DNAH17: variants seen among roughly 807,000 people sequenced by gnomAD.
The protein encoded by DNAH17 is dynein axonemal heavy chain 17.
In DNAH17, 376 loss-of-function variants were observed where a neutral mutation model predicts 485.6. The ratio of observed to expected loss-of-function variants is 0.77; its 90% CI spans 0.71 to 0.84. The LOEUF (loss-of-function observed/expected upper bound fraction) is 0.84. DNAH17 is among the 40% of genes least tolerant of loss of function. The pLI is 0.00. For synonymous variants in DNAH17, 3,031 were observed against 2,405.9 expected (o/e 1.26, Z -7.60); for missense variants, 6,370 against 5,839.3 (o/e 1.09, Z -2.96).
In DNAH17 at chr17:78,444,752, C is replaced by T. The variant is rs758228483; in HGVS notation, c.11380G>A (p.Glu3794Lys). ...TTTTTCCAGCGCTTGGCAGATCCTT[C>T]GATGTCACTGTCCAGATTTTTGAAC... ...DEFKNLDSDIEGSAKRWKKLV... is the reference protein window; with the variant it reads ...DEFKNLDSDIKGSAKRWKKLV... The change falls in exon 71 of 81, where the codon GAA becomes AAA. Residue 3794 changes from glutamate to lysine, a missense_variant. Glu to Lys is a moderately conservative substitution (Grantham distance 56). Coordinates refer to ENST00000389840, the MANE Select transcript of DNAH17 (RefSeq NM_173628.4). The T allele has an allele frequency of 2.0e-5, 32 of 1,598,128 alleles. 1 individual carries two copies. The highest frequency in any genetic ancestry group is 1.8e-4 in the South Asian group (16 of 89,952).
At chr17:78,436,090 C>G (rs1163303968) in intron 74 of DNAH17, among the ~76,000 whole-genome samples, 1 of 152,134 alleles carries the variant, frequency 6.6e-6, no homozygotes, top group Non-Finnish European at 1.5e-5. Flanking sequence ...ATTCATGGAC[C>G]GATACACCCC....
At chr17:78,462,750 G>A (rs1400474397) in intron 57 of DNAH17, 94 bp downstream of exon 57, 2 of 1,267,256 alleles carry the variant, frequency 1.6e-6, no homozygotes, top group Non-Finnish European at 1.1e-6. Flanking sequence ...CTGAGCCCCA[G>A]TGTGACCAGC....
intron 54 of DNAH17, among the ~76,000 whole-genome samples, chr17:78,470,357 C>A (rs76900517): frequency 2.0e-5 from 3 of 149,972 alleles, no homozygotes; most frequent in Non-Finnish European, 4.4e-5. Flanking sequence ...CATGAGCCAC[C>A]GTGCCCAGCC....
intron 55 of DNAH17, among the ~76,000 whole-genome samples, chr17:78,468,276 G>A (rs2088579476): frequency 6.6e-6 from 1 of 152,066 alleles, no homozygotes; most frequent in African/African-American, 2.4e-5. Flanking sequence ...AAGTAGAGGG[G>A]AGCATCTTCA....
chr17:78,445,196 A>T (rs1457353871), intron 70 of DNAH17, among the ~76,000 whole-genome samples: 2 of 31,758 alleles, frequency 6.3e-5, no homozygotes, highest in Non-Finnish European at 1.2e-4. Flanking sequence ...CACTTCCCTT[A>T]CGCTGGGAGG....
rs751486272 is a variant in DNAH17, at chr17:78,479,046, C to T, written c.7971G>A (p.Arg2657=). 1.2e-6 allele frequency: 2 copies of T among 1,613,750 alleles called. No individual in the cohort carries two copies. Among genetic ancestry groups the T allele is most frequent in the Admixed American group, 1.7e-5 (1 of 59,994 alleles). Residue 2657 remains arginine, a synonymous_variant, in exon 51 of 81, where the codon AGG becomes AGA. Coordinates refer to ENST00000389840, the MANE Select transcript of DNAH17 (RefSeq NM_173628.4). The stretch of plus-strand genomic sequence containing the variant: ...GTACCTGGAAAATATTGGAGAGGTC[C>T]CTGAGGTTGAAGACATAATGAAACT... ...AIKFHYVFNL[R]DLSNIFQGLL...
chr17:78,571,174 C>G (rs925384670), intron 5 of DNAH17, 105 bp downstream of exon 5: 3 of 1,305,426 alleles, frequency 2.3e-6, no homozygotes, highest in Non-Finnish European at 3.2e-6. Flanking sequence ...GAAAGCTGCT[C>G]GCAGAGGGAG....
rs202011737 is a variant in DNAH17 at position 78,475,843 on chromosome 17, GAAAAA to G, written c.8155-15_8155-11del. ...GTTCATCACCAAGATCCTAGAAAAA[GAAAAA>G]AAAAGACGATACTTCCGGTTTTTGC... On this transcript the variant is annotated splice_polypyrimidine_tract_variant and intron_variant, in intron 52 of 80. Coordinates refer to ENST00000389840, the MANE Select transcript of DNAH17 (RefSeq NM_173628.4). 2.3e-5 allele frequency: 37 copies of G among 1,580,762 alleles called. No homozygotes were observed. Among genetic ancestry groups the G allele is most frequent in the African/African-American group, 5.5e-5 (4 of 72,294 alleles).
chr17:78,573,187 C>G (rs1225867478), intron 2 of DNAH17, among the ~76,000 whole-genome samples: 1 of 152,192 alleles, frequency 6.6e-6, no homozygotes, highest in Admixed American at 6.5e-5. Flanking sequence ...AGCACACACT[C>G]CTTGCTAAAA....
At chr17:78,538,317 G>A (rs752080172) in intron 18 of DNAH17, among the ~76,000 whole-genome samples, 1 of 152,160 alleles carries the variant, frequency 6.6e-6, no homozygotes, top group Non-Finnish European at 1.5e-5. Context: ...CTGTGAGGCT[G>A]CAGGGCTGCA....
chr17:78,558,534 G>GATGACATCATCATTGCATGTGT (rs1257827520), intron 13 of DNAH17, among the ~76,000 whole-genome samples: 2 of 143,216 alleles, frequency 1.4e-5, no homozygotes, highest in African/African-American at 5.3e-5. Flanking sequence ...CTCATGGGTG[G>GATGACATCATCATTGCATGTGT]ATGACATCAT....
chr17:78,449,302 A>G, intron 69 of DNAH17, 112 bp downstream of exon 69: 1 of 1,162,474 alleles, frequency 8.6e-7, no homozygotes, highest in Non-Finnish European at 1.2e-6. Context: ...GCGGGTTTGA[A>G]ATCACCAGGT....
intron 64 of DNAH17, among the ~76,000 whole-genome samples, chr17:78,453,868 G>GTT (rs1243063520): frequency 2.0e-5 from 3 of 151,866 alleles, no homozygotes; most frequent in Non-Finnish European, 4.4e-5. Context: ...TTTTTTGTTT[G>GTT]TTTGTTTTTT....
At chr17:78,559,833 T>G (rs2092113180) in intron 13 of DNAH17, among the ~76,000 whole-genome samples, 1 of 152,084 alleles carries the variant, frequency 6.6e-6, no homozygotes, top group African/African-American at 2.4e-5. Context: ...CCCACTGGCC[T>G]CCTTGCTGCT....
Position 78,454,622 on chromosome 17 carries a change from G to A in DNAH17, c.10254C>T (p.Gly3418=), listed in dbSNP as rs753377054. 6.2e-7 allele frequency: 1 copy of A among 1,613,032 alleles called. No homozygotes were observed. The highest frequency in any genetic ancestry group is 8.5e-7 in the Non-Finnish European group (1 of 1,179,874). ...CGGTGGACATGCGGTCGCTGGGGAG[G>A]CCCTGGTTGTTCCAGGTGGCCACGT... The part of the protein sequence containing the change: ...DADVATWNNQ[G]LPSDRMSTEN... The change falls in exon 64 of 81, where the codon GGC becomes GGT. Residue 3418 remains glycine (G), a synonymous_variant. Transcript: ENST00000389840.
intron 75 of DNAH17, among the ~76,000 whole-genome samples, chr17:78,432,987 C>T (rs141470930): frequency 6.6e-5 from 10 of 151,620 alleles, no homozygotes; most frequent in Admixed American, 3.9e-4. Flanking sequence ...CGAGGCCCCA[C>T]GTAGGCAGCA....
chr17:78,496,049 A>T lies in DNAH17; in HGVS notation c.5746-17T>A. ...ACATTTTACCTGCACGGTTGGTGACACAGACATGTTAGCATGGAAATGGCC... is the reference window on the plus strand; with the variant it reads ...ACATTTTACCTGCACGGTTGGTGACTCAGACATGTTAGCATGGAAATGGCC... On this transcript the variant is annotated splice_polypyrimidine_tract_variant and intron_variant, in intron 37 of 80. Coordinates refer to ENST00000389840, the MANE Select transcript of DNAH17 (RefSeq NM_173628.4). The T allele has an allele frequency of 6.2e-7, 1 of 1,607,888 alleles. No individual in the cohort carries two copies. The highest frequency in any genetic ancestry group is 8.5e-7 in the Non-Finnish European group (1 of 1,175,516).
At chr17:78,530,578 C>A (rs2091206201) in intron 20 of DNAH17, 66 bp from the exon 21 acceptor site, 1 of 1,544,440 alleles carries the variant, frequency 6.5e-7, no homozygotes, top group African/African-American at 1.4e-5. Flanking sequence ...CAGCACAGGG[C>A]CTCAGTCCAG....
At chr17:78,562,164 C>T (rs1320965386) in intron 11 of DNAH17, among the ~76,000 whole-genome samples, 184 bp from the exon 12 acceptor site, 1 of 152,224 alleles carries the variant, frequency 6.6e-6, no homozygotes, top group Middle Eastern at 3.2e-3. Flanking sequence ...CTATGCTTTT[C>T]TCATTGACTT....
Sources: allele counts gnomAD v4.1 joint callset (sites outside exome capture counted in the v4.1 genomes callset), GRCh38; gene constraint gnomAD v4.1.1; transcripts MANE v1.5; gene names NCBI Gene and HGNC (gene_info 2026-07-23, HGNC 2026-07-21).